The following MEMO1 variants were observed in gnomAD, a reference collection of about 807,000 sequenced individuals.
The protein encoded by MEMO1 is protein MEMO1.
MEMO1 carries 6 observed loss-of-function variants against 45.2 expected under a neutral mutation model. The ratio of observed to expected loss-of-function variants is 0.13; its 90% CI spans 0.07 to 0.26. MEMO1 has a LOEUF of 0.26. Among genes scored for constraint, MEMO1 ranks in the 10% least tolerant of loss-of-function variants. The pLI is 1.00. For missense variants in MEMO1, 184 were observed against 370.5 expected, an observed-to-expected ratio of 0.50 and a Z score of 4.13; for synonymous variants, 78 against 124.3, an observed-to-expected ratio of 0.63 and a Z score of 2.48.
chr2:31,949,642 C>CAAAAA (rs549686329), intron 2 of MEMO1, among the ~76,000 whole-genome samples: 4 of 108,848 alleles, frequency 3.7e-5, no homozygotes, highest in Non-Finnish European at 5.3e-5. Flanking sequence ...TTAATGGGTA[C>CAAAAA]AAAAAAAAAA....
At chr2:31,917,850 G>C (rs1267464398) in intron 6 of MEMO1, 76 bp downstream of exon 6, 1 of 920,644 alleles carries the variant, frequency 1.1e-6, no homozygotes, top group African/African-American at 1.7e-5. Flanking sequence ...ATAATTACTA[G>C]GATTTACTAG....
chr2:31,882,942 T>C (rs888307756), intron 8 of MEMO1, among the ~76,000 whole-genome samples: 3 of 152,088 alleles, frequency 2.0e-5, no homozygotes, highest in Non-Finnish European at 2.9e-5. Flanking sequence ...TACTAAGTTA[T>C]TTAATAAATT....
chr2:31,896,924 T>C (rs1449701107), intron 6 of MEMO1, among the ~76,000 whole-genome samples: 1 of 152,244 alleles, frequency 6.6e-6, no homozygotes, highest in East Asian at 1.9e-4. Flanking sequence ...GTAGTTCTCC[T>C]TGAAGATGTC....
At chr2:31,911,559 T>C (rs1241059770) in intron 6 of MEMO1, among the ~76,000 whole-genome samples, 1 of 152,230 alleles carries the variant, frequency 6.6e-6, no homozygotes, top group Admixed American at 6.5e-5. Context: ...TATTGGTTCA[T>C]CAGTTGTAAC....
chr2:31,968,431 C>T (rs1668887117), intron 2 of MEMO1, among the ~76,000 whole-genome samples: 1 of 152,150 alleles, frequency 6.6e-6, no homozygotes, highest in South Asian at 2.1e-4. Context: ...GATAACCCGA[C>T]CCAGAATTCC....
At chr2:31,976,180 AAT>A (rs1558547780) in intron 2 of MEMO1, among the ~76,000 whole-genome samples, 1 of 152,230 alleles carries the variant, frequency 6.6e-6, no homozygotes, top group Non-Finnish European at 1.5e-5. Flanking sequence ...AAAATTTTTA[AAT>A]AGAGTTGGAA....
intron 8 of MEMO1, among the ~76,000 whole-genome samples, chr2:31,875,038 C>A (rs1036905916): frequency 6.6e-6 from 1 of 151,718 alleles, no homozygotes; most frequent in Non-Finnish European, 1.5e-5. Flanking sequence ...TAAGTTGAAT[C>A]AACAATATAC....
chr2:31,953,335 C>T (rs566543873), intron 2 of MEMO1, among the ~76,000 whole-genome samples: 217 of 147,038 alleles, frequency 1.5e-3, no homozygotes, highest in Non-Finnish European at 2.4e-3. Flanking sequence ...CCATTGCACT[C>T]CAGCCTGGGT....
intron 2 of MEMO1, among the ~76,000 whole-genome samples, chr2:31,992,295 T>C (rs939388696): frequency 6.6e-6 from 1 of 152,210 alleles, no homozygotes; most frequent in Non-Finnish European, 1.5e-5. Context: ...ATATTAACTA[T>C]AGCTGCTTTC....
At chr2:31,902,012 C>T (rs764895481) in intron 6 of MEMO1, among the ~76,000 whole-genome samples, 2 of 151,914 alleles carry the variant, frequency 1.3e-5, no homozygotes, top group African/African-American at 2.4e-5. Context: ...GTAGCAGATG[C>T]TTGTAAGTCC....
At chr2:31,952,554 G>A (rs572593835) in intron 2 of MEMO1, among the ~76,000 whole-genome samples, 1 of 152,202 alleles carries the variant, frequency 6.6e-6, no homozygotes, top group East Asian at 1.9e-4. Flanking sequence ...ACTGATTCCT[G>A]TAACAGTCCA....
chr2:31,987,963 C>A (rs2148530382), intron 2 of MEMO1, among the ~76,000 whole-genome samples: 1 of 152,044 alleles, frequency 6.6e-6, no homozygotes, highest in Admixed American at 6.5e-5. Context: ...GAGAATCATG[C>A]CAAAATGAGC....
At chr2:31,996,799 T>C (rs1672672432) in intron 2 of MEMO1, among the ~76,000 whole-genome samples, 1 of 152,134 alleles carries the variant, frequency 6.6e-6, no homozygotes, top group Admixed American at 6.6e-5. Context: ...CGTGTAATCA[T>C]AGCTCAATGC....
At chr2:31,875,001 T>C (rs574352057) in intron 8 of MEMO1, among the ~76,000 whole-genome samples, 173 of 152,066 alleles carry the variant, frequency 1.1e-3, no homozygotes, top group African/African-American at 3.7e-3. Context: ...TTTTGACCCA[T>C]GTATTCTAAC....
chr2:31,892,929 T>TA (rs1381475298), intron 6 of MEMO1, among the ~76,000 whole-genome samples: 1 of 152,104 alleles, frequency 6.6e-6, no homozygotes, highest in Non-Finnish European at 1.5e-5. Context: ...AAACCTTTTT[T>TA]AAAAATGTTA....
intron 8 of MEMO1, among the ~76,000 whole-genome samples, chr2:31,882,438 A>G (rs1475286741): frequency 6.6e-6 from 1 of 152,216 alleles, no homozygotes; most frequent in East Asian, 1.9e-4. Flanking sequence ...TTACAGAAAT[A>G]TATCAATGAT....
In MEMO1 at chr2:32,004,809, C is replaced by T. The variant is rs566297899; in HGVS notation, c.61+5378G>A. On this transcript the variant is annotated intron_variant, in intron 2 of 9. Coordinates refer to ENST00000404530, the MANE Select transcript of MEMO1 (RefSeq NM_001301833.4). ...GGGTGTGGTGGTGCATACCTGTAAT[C>T]CCAGCTACTCGGGATGCTGAGGCAG... Among the ~76,000 whole-genome samples, 37 of 152,004 alleles carry T rather than the reference C, an allele frequency of 2.4e-4. No individual in the cohort carries two copies. In the South Asian group the frequency reaches 7.5e-3, roughly 31 times the overall value.
intron 2 of MEMO1, among the ~76,000 whole-genome samples, chr2:31,950,095 T>C (rs1270295363): frequency 3.3e-5 from 5 of 152,138 alleles, no homozygotes; most frequent in Admixed American, 2.6e-4. Flanking sequence ...CAGACATATA[T>C]TATTGCCGGG....
intron 4 of MEMO1, among the ~76,000 whole-genome samples, chr2:31,928,895 A>G (rs1161664397): frequency 3.3e-5 from 5 of 152,188 alleles, no homozygotes; most frequent in African/African-American, 1.2e-4. Flanking sequence ...GCTGCTGTAG[A>G]AAACCTAACA....
Sources: gnomAD v4.1 joint callset for allele counts (sites outside exome capture counted in the v4.1 genomes callset) on GRCh38, gnomAD v4.1.1 for gene constraint, MANE v1.5 for transcripts, NCBI Gene and HGNC (gene_info 2026-07-23, HGNC 2026-07-21) for gene names.